The following GRIK2 variants were observed in gnomAD, a reference collection of about 807,000 sequenced individuals.
The protein encoded by GRIK2 is glutamate ionotropic receptor kainate type subunit 2.
In GRIK2, 32 loss-of-function variants were observed where a neutral mutation model predicts 100.3. The observed-to-expected ratio is 0.32, with a 90% CI of 0.24 to 0.43. The LOEUF (loss-of-function observed/expected upper bound fraction) is 0.43, where lower values mean the gene tolerates loss of function less well. Among genes scored for constraint, GRIK2 ranks in the 20% least tolerant of loss-of-function variants. The pLI is 1.00. For missense variants in GRIK2, 843 were observed against 1,114.9 expected, an observed-to-expected ratio of 0.76 and a Z score of 3.47; for synonymous variants, 417 against 389.4, an observed-to-expected ratio of 1.07 and a Z score of -0.83.
intron 2 of GRIK2, among the ~76,000 whole-genome samples, chr6:101,561,188 A>G (rs566261479): frequency 6.6e-5 from 10 of 152,302 alleles, no homozygotes; most frequent in African/African-American, 2.4e-4. Flanking sequence ...ACTTGTCCAA[A>G]GATGAAGGTC....
chr6:101,697,514 T>A (rs1772582547), intron 7 of GRIK2, among the ~76,000 whole-genome samples: 1 of 151,948 alleles, frequency 6.6e-6, no homozygotes, highest in African/African-American at 2.4e-5. Context: ...ATTTAACAGA[T>A]ATTTAAGTCT....
At chr6:102,039,646 G>GTACTT (rs1396246217) in intron 15 of GRIK2, among the ~76,000 whole-genome samples, 2 of 151,448 alleles carry the variant, frequency 1.3e-5, no homozygotes, top group African/African-American at 4.8e-5. Flanking sequence ...CTGACTGCCT[G>GTACTT]TACTTAAAAG....
chr6:101,650,084 C>T (rs528665922), intron 4 of GRIK2, among the ~76,000 whole-genome samples: 7 of 152,174 alleles, frequency 4.6e-5, no homozygotes, highest in African/African-American at 1.7e-4. Context: ...ACCAAAGCAG[C>T]CTGAAAGCAG....
At chr6:101,933,486 C>G (rs1377467107) in intron 14 of GRIK2, among the ~76,000 whole-genome samples, 2 of 151,864 alleles carry the variant, frequency 1.3e-5, no homozygotes, top group African/African-American at 4.8e-5. Flanking sequence ...ATTATTAGTT[C>G]ATTTTCTATC....
At chr6:101,411,889 C>T (rs1401281329) in intron 2 of GRIK2, among the ~76,000 whole-genome samples, 2 of 152,048 alleles carry the variant, frequency 1.3e-5, no homozygotes, top group African/African-American at 4.8e-5. Flanking sequence ...ACTTTCCTCT[C>T]TCAATCTCCC....
At chr6:101,760,120 C>T (rs1325324074) in intron 7 of GRIK2, among the ~76,000 whole-genome samples, 2 of 145,382 alleles carry the variant, frequency 1.4e-5, no homozygotes, top group South Asian at 2.1e-4. Context: ...CCACCCGCCT[C>T]GGCCTCCCAA....
chr6:101,464,758 G>T (rs992136080), intron 2 of GRIK2, among the ~76,000 whole-genome samples: 15 of 151,436 alleles, frequency 9.9e-5, no homozygotes, highest in Admixed American at 9.9e-4. Context: ...CTGACCTCGT[G>T]ATCTGCCCGC....
chr6:101,565,995 T>G (rs984736698), intron 2 of GRIK2, among the ~76,000 whole-genome samples: 5 of 146,774 alleles, frequency 3.4e-5, no homozygotes, highest in Non-Finnish European at 7.4e-5. Context: ...ATTAAAATTA[T>G]AAGAAAGAGA....
intron 15 of GRIK2, among the ~76,000 whole-genome samples, chr6:102,036,306 GA>G (rs1204777167): frequency 1.3e-5 from 2 of 151,098 alleles, no homozygotes; most frequent in Admixed American, 6.6e-5. Context: ...GTAGTGGACA[GA>G]ATAATGGCTT....
intron 14 of GRIK2, among the ~76,000 whole-genome samples, chr6:101,951,143 C>T (rs1791581933): frequency 6.6e-6 from 1 of 152,088 alleles, no homozygotes; most frequent in African/African-American, 2.4e-5. Flanking sequence ...ATCCAAACAC[C>T]TTTTAAAACT....
chr6:101,932,049 C>T (rs893503476), intron 14 of GRIK2, among the ~76,000 whole-genome samples: 2 of 152,026 alleles, frequency 1.3e-5, no homozygotes, highest in African/African-American at 4.8e-5. Context: ...AAAAATCACT[C>T]AGCTATAGCC....
intron 2 of GRIK2, among the ~76,000 whole-genome samples, chr6:101,438,304 C>A (rs1158268886): frequency 6.6e-6 from 1 of 151,726 alleles, no homozygotes; most frequent in African/African-American, 2.4e-5. Flanking sequence ...TTTTTTTTGT[C>A]TTGATCTTAG....
At chr6:101,950,182 C>T (rs1401663957) in intron 14 of GRIK2, among the ~76,000 whole-genome samples, 1 of 152,114 alleles carries the variant, frequency 6.6e-6, no homozygotes, top group Non-Finnish European at 1.5e-5. Context: ...ATTGGGACTA[C>T]AAAATGTGTT....
intron 4 of GRIK2, among the ~76,000 whole-genome samples, chr6:101,635,384 C>T (rs1303370500): frequency 3.3e-5 from 5 of 151,900 alleles, no homozygotes; most frequent in African/African-American, 9.7e-5. Context: ...AAACGTAAGA[C>T]CAAAAACCCT....
intron 11 of GRIK2, among the ~76,000 whole-genome samples, chr6:101,889,053 T>C (rs1189360961): frequency 1.3e-5 from 2 of 152,014 alleles, no homozygotes; most frequent in Non-Finnish European, 2.9e-5. Flanking sequence ...CATTAAATAA[T>C]ATAAAACAAA....
intron 7 of GRIK2, among the ~76,000 whole-genome samples, chr6:101,733,715 T>C (rs1277726425): frequency 3.5e-5 from 4 of 113,398 alleles, no homozygotes; most frequent in East Asian, 2.9e-4. Flanking sequence ...TTTCTTTTTT[T>C]TTTTTTTTTT....
intron 10 of GRIK2, among the ~76,000 whole-genome samples, chr6:101,850,201 T>C (rs1198131976): frequency 1.3e-5 from 2 of 151,946 alleles, no homozygotes; most frequent in African/African-American, 2.4e-5. Flanking sequence ...AATATATAAT[T>C]GGTAGGGATT....
intron 4 of GRIK2, among the ~76,000 whole-genome samples, chr6:101,655,206 T>G (rs1781999335): frequency 6.6e-6 from 1 of 152,180 alleles, no homozygotes; most frequent in South Asian, 2.1e-4. Context: ...CATGTGTAAA[T>G]GTGATAAGAG....
intron 14 of GRIK2, among the ~76,000 whole-genome samples, chr6:101,970,476 G>A (rs1021692695): frequency 6.6e-6 from 1 of 151,976 alleles, no homozygotes; most frequent in Non-Finnish European, 1.5e-5. Flanking sequence ...GAGGCAGTTT[G>A]GCTGTCGTAT....
Sources: allele counts gnomAD v4.1 joint callset (sites outside exome capture counted in the v4.1 genomes callset), GRCh38; gene constraint gnomAD v4.1.1; transcripts MANE v1.5; gene names NCBI Gene and HGNC (gene_info 2026-07-23, HGNC 2026-07-21).